TENM3: variants seen among roughly 807,000 people sequenced by gnomAD.
TENM3 encodes teneurin transmembrane protein 3, also known as teneurin-3.
A neutral mutation model predicts 255.1 loss-of-function variants in TENM3; 63 were observed. That is an observed-to-expected ratio of 0.25 (90% CI 0.20 to 0.30). The LOEUF is 0.30. Among genes scored for constraint, TENM3 ranks in the 10% least tolerant of loss-of-function variants. The pLI, the probability that TENM3 is intolerant of heterozygous loss-of-function variation, is 1.00. For synonymous variants in TENM3, 1,306 were observed against 1,322.3 expected (o/e 0.99, Z 0.27); for missense variants, 2,929 against 3,461.1 (o/e 0.85, Z 3.86).
chr4:182,716,252 A>T lies in TENM3; in HGVS notation c.2368+2019A>T, dbSNP rs554183848. Among the ~76,000 whole-genome samples, 97 of 152,318 alleles carry T rather than the reference A, an allele frequency of 6.4e-4. 1 individual carries two copies. In the South Asian group the frequency reaches 0.02, roughly 31 times the overall value. On this transcript the variant is annotated intron_variant, in intron 13 of 27. Transcript: ENST00000511685. ...GGAGTTTACAGAGTCTCTCAGAGGG[A>T]AGCGGGCTGCAGGACCAAGTCTGCA...
intron 22 of TENM3, chr4:182,755,468 G>T: frequency 1.9e-6 from 1 of 523,912 alleles, no homozygotes; most frequent in Non-Finnish European, 3.3e-6. Flanking sequence ...CTTGAGCCCA[G>T]GACTTCGAGG....
intron 1 of TENM3, among the ~76,000 whole-genome samples, chr4:182,283,698 A>C (rs911052112): frequency 6.6e-6 from 1 of 152,186 alleles, no homozygotes; most frequent in African/African-American, 2.4e-5. Context: ...ATCCTTTGAT[A>C]CTGCGGTGGA....
the TENM3 span, among the ~76,000 whole-genome samples, chr4:181,921,133 G>T: frequency 0.18 from 27,621 of 152,084 alleles, 3,124 homozygotes; most frequent in Non-Finnish European, 0.26. Context: ...TTTGGTTACT[G>T]TAGGCTTGTA....
At chr4:182,225,010 G>A (rs1579797276) in intron 1 of TENM3, among the ~76,000 whole-genome samples, 1 of 152,120 alleles carries the variant, frequency 6.6e-6, no homozygotes, top group South Asian at 2.1e-4. Context: ...GGGACTACAG[G>A]CAGGAGCCAC....
At chr4:182,306,849 G>A (rs999186109) in intron 1 of TENM3, among the ~76,000 whole-genome samples, 3 of 152,156 alleles carry the variant, frequency 2.0e-5, no homozygotes, top group African/African-American at 7.2e-5. Context: ...CCTTAGGGGA[G>A]CTCAGTGTTG....
At chr4:182,632,509 G>A (rs369474708) in intron 5 of TENM3, among the ~76,000 whole-genome samples, 1 of 152,092 alleles carries the variant, frequency 6.6e-6, no homozygotes, top group East Asian at 1.9e-4. Flanking sequence ...ATTACTAGTA[G>A]CGCTGACTAT....
At chr4:182,310,050 T>C (rs1185496582) in intron 1 of TENM3, among the ~76,000 whole-genome samples, 2 of 152,228 alleles carry the variant, frequency 1.3e-5, no homozygotes, top group Non-Finnish European at 1.5e-5. Flanking sequence ...TCCAAGGCCA[T>C]GTGTCACATC....
At chr4:181,933,737 A>G in the TENM3 span, among the ~76,000 whole-genome samples, 1 of 152,192 alleles carries the variant, frequency 6.6e-6, no homozygotes, top group South Asian at 2.1e-4. Flanking sequence ...AGTATCAGCA[A>G]CTAAAAATGC....
the TENM3 span, among the ~76,000 whole-genome samples, chr4:181,699,464 A>AAAAAAAAG: frequency 6.7e-6 from 1 of 148,758 alleles, no homozygotes; most frequent in Non-Finnish European, 1.5e-5. Flanking sequence ...AAAAAAAAAA[A>AAAAAAAAG]AAAAAAAAGA....
At chr4:181,810,085 ATCT>A in the TENM3 span, among the ~76,000 whole-genome samples, 3 of 152,122 alleles carry the variant, frequency 2.0e-5, no homozygotes, top group South Asian at 6.2e-4. Flanking sequence ...TAAATAAATC[ATCT>A]TCTCTCAGGG....
At chr4:182,103,561 G>A in the TENM3 span, among the ~76,000 whole-genome samples, 2 of 152,128 alleles carry the variant, frequency 1.3e-5, no homozygotes, top group Admixed American at 6.5e-5. Flanking sequence ...TTCACTATTA[G>A]GTAAAGCCCT....
chr4:182,520,220 A>T (rs1580814023), intron 3 of TENM3, among the ~76,000 whole-genome samples: 1 of 152,194 alleles, frequency 6.6e-6, no homozygotes, highest in African/African-American at 2.4e-5. Flanking sequence ...TTAAAAAAAA[A>T]TTTCTGGTTG....
At chr4:182,357,500 C>T (rs1409455401) in intron 3 of TENM3, among the ~76,000 whole-genome samples, 1 of 151,348 alleles carries the variant, frequency 6.6e-6, no homozygotes, top group Non-Finnish European at 1.5e-5. Flanking sequence ...TGTTTTTTGG[C>T]TGCATAAATG....
At chr4:181,729,987 C>T in the TENM3 span, among the ~76,000 whole-genome samples, 1 of 152,172 alleles carries the variant, frequency 6.6e-6, no homozygotes, top group Non-Finnish European at 1.5e-5. Context: ...TTGGGGATAT[C>T]AGTTTGCAAG....
In TENM3 at chr4:182,494,687, T is replaced by C. The variant is rs183010672; in HGVS notation, c.512-106237T>C. 2.4e-4 allele frequency among the ~76,000 whole-genome samples: 37 copies of C among 152,340 alleles called. 1 individual carries two copies. The highest frequency in any genetic ancestry group is 2.1e-3 in the East Asian group (11 of 5,176). ...AAAGAAACAGCAGTATAAAGACTTC[T>C]GTAATTTCAGATTTCTGTCATTTAT... is the stretch of plus-strand genomic sequence containing the variant. On this transcript the variant is annotated intron_variant, in intron 3 of 27. Coordinates refer to ENST00000511685, the MANE Select transcript of TENM3 (RefSeq NM_001080477.4).
the TENM3 span, among the ~76,000 whole-genome samples, chr4:181,633,706 C>T: frequency 1.3e-5 from 2 of 152,156 alleles, no homozygotes; most frequent in African/African-American, 4.8e-5. Context: ...GAAGGCACTA[C>T]TAATATGTCC....
chr4:181,830,670 T>G, the TENM3 span, among the ~76,000 whole-genome samples: 3 of 152,076 alleles, frequency 2.0e-5, no homozygotes. Flanking sequence ...AAAGATTGGG[T>G]TATATTATGT....
intron 1 of TENM3, among the ~76,000 whole-genome samples, chr4:182,187,080 T>C (rs1753210666): frequency 6.6e-6 from 1 of 151,754 alleles, no homozygotes; most frequent in African/African-American, 2.4e-5. Context: ...GAAAAGCAGT[T>C]ATTCAAAGCA....
chr4:181,904,227 C>T, the TENM3 span, among the ~76,000 whole-genome samples: 6 of 152,102 alleles, frequency 3.9e-5, no homozygotes, highest in Non-Finnish European at 7.4e-5. Context: ...CACTATCAGT[C>T]CTCACATGAT....
Sources: gnomAD v4.1 joint callset for allele counts (sites outside exome capture counted in the v4.1 genomes callset) on GRCh38, gnomAD v4.1.1 for gene constraint, MANE v1.5 for transcripts, NCBI Gene and HGNC (gene_info 2026-07-23, HGNC 2026-07-21) for gene names.